The following TBC1D9B variants were observed in gnomAD, a reference collection of about 807,000 sequenced individuals.
TBC1D9B encodes the protein TBC1 domain family, member 9B (with GRAM domain).
TBC1D9B carries 87 observed loss-of-function variants against 121.1 expected under a neutral mutation model. The observed-to-expected ratio is 0.72, with a 90% CI of 0.60 to 0.86. TBC1D9B has a LOEUF of 0.86. Among genes scored for constraint, TBC1D9B ranks in the 40% least tolerant of loss-of-function variants. The probability of loss-of-function intolerance (pLI) is 0.00; values close to 1 mark genes in which losing one functional copy is unlikely to be tolerated. For synonymous variants in TBC1D9B, 668 were observed against 670.1 expected (o/e 1.00, Z 0.05); for missense variants, 1,540 against 1,628.6 (o/e 0.95, Z 0.94).
chr5:179,871,782 C>T (rs1372276036), intron 14 of TBC1D9B: 1 of 390,536 alleles, frequency 2.6e-6, no homozygotes, highest in African/African-American at 2.1e-5. Flanking sequence ...CTCTCACACT[C>T]CGGGCCCCTT....
intron 17 of TBC1D9B, chr5:179,869,567 G>A (rs1390953334): frequency 8.6e-6 from 6 of 698,048 alleles, no homozygotes; most frequent in Admixed American, 8.1e-5. Context: ...TCTCCTCCAC[G>A]TCCCTTCCCA....
chr5:179,891,743 T>C lies in TBC1D9B; in HGVS notation c.837-157A>G, dbSNP rs1198338183. Among the ~76,000 whole-genome samples the C allele has an allele frequency of 1.3e-5, 2 of 151,660 alleles. No individual in the cohort carries two copies. Among genetic ancestry groups the C allele is most frequent in the Non-Finnish European group, 2.9e-5 (2 of 67,888 alleles). On this transcript the variant is annotated intron_variant, in intron 5 of 20. Coordinates refer to ENST00000355235, the MANE Select transcript of TBC1D9B (RefSeq NM_015043.4). This position sits in a 1 kb window ranked among gnomAD's most constrained non-coding sequence, Gnocchi z 4.3. The stretch of plus-strand genomic sequence containing the variant: ...CAAGTCATGCTCAGGGACCTCAGAG[T>C]TCAATAAAAGATGCATGCTGAGTGA...
intron 2 of TBC1D9B, among the ~76,000 whole-genome samples, chr5:179,903,986 C>G (rs1318936966): frequency 2.0e-5 from 3 of 152,150 alleles, no homozygotes; most frequent in Non-Finnish European, 4.4e-5. Context: ...CCATGAGTGT[C>G]TCCAAATGAC....
At chr5:179,899,802 G>A (rs912850896) in intron 2 of TBC1D9B, among the ~76,000 whole-genome samples, 1 of 152,148 alleles carries the variant, frequency 6.6e-6, no homozygotes, top group Admixed American at 6.5e-5. Flanking sequence ...CCTGGCCAGC[G>A]AGGCTCCTGC....
At position 179,885,638 on chromosome 5, in the gene TBC1D9B, G is replaced by A. The variant is rs371810112; in HGVS notation, c.1254+2465C>T. ...GTATTTTACGTTTTTCTTTTCATAC[G>A]AAGTCTCCAAAACCCGTGTACAGTG... On this transcript the variant is annotated intron_variant, in intron 7 of 20. Coordinates refer to ENST00000355235, the MANE Select transcript of TBC1D9B (RefSeq NM_015043.4). The surrounding 1 kb of genome is among the most constrained non-coding windows in gnomAD (Gnocchi z 4.5). Among the ~76,000 whole-genome samples the A allele has an allele frequency of 2.0e-5, 3 of 151,422 alleles. No homozygotes were observed. Among genetic ancestry groups the A allele is most frequent in the East Asian group, 1.9e-4 (1 of 5,160 alleles).
Position 179,873,119 on chromosome 5 carries a change from C to T in TBC1D9B, c.2316G>A (p.Glu772=). ...DIFELLKVSY[E]KFSSLRAEDI... is the part of the protein sequence containing the mutation. ...CAAAATGGCCCCACTGGGTGCTGAC[C>T]TCATAGGACACTTTCAGGAGCTCAA... Residue 772 remains glutamate, a splice_region_variant and synonymous_variant, in exon 13 of 21, where the codon GAG becomes GAA. Coordinates refer to ENST00000355235, the MANE Select transcript of TBC1D9B (RefSeq NM_015043.4). The T allele has an allele frequency of 6.2e-7, 1 of 1,611,026 alleles. No individual in the cohort carries two copies. The highest frequency in any genetic ancestry group is 8.5e-7 in the Non-Finnish European group (1 of 1,178,496).
intron 10 of TBC1D9B, among the ~76,000 whole-genome samples, chr5:179,877,807 C>T (rs1760403317): frequency 6.6e-6 from 1 of 151,948 alleles, no homozygotes; most frequent in African/African-American, 2.4e-5. Context: ...AAGCCAGGCA[C>T]AGTAAGGCAA....
Position 179,899,264 on chromosome 5 carries a change from T to C in TBC1D9B, c.273A>G (p.Glu91=), listed in dbSNP as rs756810472. 6.2e-7 allele frequency: 1 copy of C among 1,614,160 alleles called. No homozygotes were observed. Among genetic ancestry groups the C allele is most frequent in the East Asian group, 2.2e-5 (1 of 44,888 alleles). The change falls in exon 3 of 21, where the codon GAA becomes GAG. Residue 91 remains glutamate (E), a synonymous_variant. Transcript: ENST00000355235. The part of the protein sequence containing the change: ...KEITKHWEWL[E]NNLLQTLSIF... ...TGGACAGTGTCTGGAGCAAGTTATT[T>C]TCCAGCCATTCCCAGTGTTTTGTGA...
chr5:179,904,604 A>T lies in TBC1D9B; in HGVS notation c.229+98T>A. Reference sequence around the variant, plus strand: ...CCTTGGGCTATGCTGTCAGCAGGGAATACCACCCAGACACGTGGGCTACAC... The same window carrying T: ...CCTTGGGCTATGCTGTCAGCAGGGATTACCACCCAGACACGTGGGCTACAC... On this transcript the variant is annotated intron_variant, in intron 2 of 20. Transcript: ENST00000355235. This position sits in a 1 kb window ranked among gnomAD's most constrained non-coding sequence, Gnocchi z 4.2. 9.6e-7 allele frequency: 1 copy of T among 1,041,854 alleles called. No homozygotes were observed. The highest frequency in any genetic ancestry group is 1.4e-6 in the Non-Finnish European group (1 of 699,106). The allele number at this position is 1,041,854 out of a possible 1,614,324, so 64.5% of individuals were successfully genotyped here. A position where few individuals can be genotyped will look rare whatever the true frequency, so the allele number is the denominator to read the frequency against.
At chr5:179,876,075 G>A in intron 10 of TBC1D9B, 38 bp from the exon 11 acceptor site, 2 of 1,569,858 alleles carry the variant, frequency 1.3e-6, no homozygotes, top group Non-Finnish European at 8.7e-7. Flanking sequence ...GGCTTGCACT[G>A]CTGGCCAGCA....
In TBC1D9B at chr5:179,894,566, C is replaced by G. The variant is rs1454724370; in HGVS notation, c.397G>C (p.Asp133His). The G allele has an allele frequency of 6.2e-7, 1 of 1,614,210 alleles. No individual in the cohort carries two copies. Among genetic ancestry groups the G allele is most frequent in the South Asian group, 1.1e-5 (1 of 91,084 alleles). Residue 133 changes from aspartate to histidine, a missense_variant, in exon 4 of 21, where the codon GAC (aspartate) becomes CAC (histidine). By Grantham distance (81) the Asp-to-His change is moderately conservative. Coordinates refer to ENST00000355235, the MANE Select transcript of TBC1D9B (RefSeq NM_015043.4). ...TCAGCCTCCTTGAACTTCCCGGGGT[C>G]CTCGTCTCCCTGGGGCTGCAGGTTC... ...NKNLQPQGDEDPGKFKEAELK... is the reference protein window; with the variant it reads ...NKNLQPQGDEHPGKFKEAELK...
intron 10 of TBC1D9B, among the ~76,000 whole-genome samples, chr5:179,876,933 T>C (rs1033694628): frequency 6.8e-6 from 1 of 148,100 alleles, no homozygotes; most frequent in Admixed American, 6.7e-5. Context: ...TAACTGGGCG[T>C]GGTGGTGTGT....
chr5:179,877,087 A>G (rs1268698864), intron 10 of TBC1D9B, among the ~76,000 whole-genome samples: 2 of 150,014 alleles, frequency 1.3e-5, no homozygotes, highest in Non-Finnish European at 3.0e-5. Flanking sequence ...AAAAAAAAAA[A>G]AAAAAAAAGC....
chr5:179,901,802 A>G (rs1761173662), intron 2 of TBC1D9B, among the ~76,000 whole-genome samples: 1 of 152,242 alleles, frequency 6.6e-6, no homozygotes, highest in Non-Finnish European at 1.5e-5. Context: ...GTGCATTAAA[A>G]ATATTAGTTA....
intron 3 of TBC1D9B, among the ~76,000 whole-genome samples, chr5:179,896,266 T>C (rs1288977362): frequency 2.0e-5 from 3 of 152,230 alleles, no homozygotes; most frequent in African/African-American, 7.2e-5. Context: ...ACTTCTGTTT[T>C]TGTCTTGTTA....
In TBC1D9B at chr5:179,870,366, T is replaced by A. The variant is rs1200019119; in HGVS notation, c.2614A>T (p.Thr872Ser). Residue 872 changes from threonine to serine, a missense_variant, in exon 16 of 21, where the codon ACA becomes TCA. Thr to Ser is a moderately conservative substitution (Grantham distance 58). Coordinates refer to ENST00000355235, the MANE Select transcript of TBC1D9B (RefSeq NM_015043.4). ...SQFRELFASLTPWACGSHTPL... is the reference protein window; with the variant it reads ...SQFRELFASLSPWACGSHTPL... Reference sequence around the variant, plus strand: ...GTGTGGGAGCCACAGGCCCAGGGTGTCAGGCTGGCAAAGAGTTCCCGGAAC... The same window carrying A: ...GTGTGGGAGCCACAGGCCCAGGGTGACAGGCTGGCAAAGAGTTCCCGGAAC... The A allele has an allele frequency of 1.2e-6, 2 of 1,613,588 alleles. No homozygotes were observed. The highest frequency in any genetic ancestry group is 1.7e-6 in the Non-Finnish European group (2 of 1,180,010).
At chr5:179,868,689 C>T (rs30382) in intron 17 of TBC1D9B, 64,313 of 152,164 alleles carry the variant, frequency 0.42, 14,596 homozygotes, top group East Asian at 0.77. Context: ...GTTGTGCGTG[C>T]TGGCCGGCCT....
chr5:179,866,529 C>G (rs1308293476), intron 18 of TBC1D9B: 2 of 152,342 alleles, frequency 1.3e-5, no homozygotes, highest in East Asian at 3.8e-4. Context: ...GAGCTGCTCT[C>G]GCTGGCTGTC....
intron 7 of TBC1D9B, among the ~76,000 whole-genome samples, chr5:179,880,527 C>A (rs952752262): frequency 4.6e-5 from 7 of 152,224 alleles, no homozygotes; most frequent in Admixed American, 1.3e-4. Context: ...GGTCCCACTC[C>A]ACCCAGGGCT....
Sources: gnomAD v4.1 joint callset for allele counts (sites outside exome capture counted in the v4.1 genomes callset) on GRCh38, gnomAD v4.1.1 for gene constraint, Gnocchi (gnomAD v3.1) non-coding constraint, MANE v1.5 for transcripts, NCBI Gene and HGNC (gene_info 2026-07-23, HGNC 2026-07-21) for gene names.